RORA: variants seen among roughly 807,000 people sequenced by gnomAD.
RORA encodes the protein nuclear receptor ROR-alpha.
In RORA, 7 loss-of-function variants were observed where a neutral mutation model predicts 69.5. The ratio of observed to expected loss-of-function variants is 0.10; its 90% confidence interval spans 0.06 to 0.19. The LOEUF is 0.19. Ranked by LOEUF, RORA falls within the 10% of genes least tolerant of loss-of-function variation. RORA has a pLI of 1.00. For synonymous variants in RORA, 261 were observed against 240.8 expected (o/e 1.08, Z -0.78); for missense variants, 457 against 663.0 (o/e 0.69, Z 3.41).
intron 1 of RORA, among the ~76,000 whole-genome samples, chr15:60,810,279 ACCT>A (rs2072723208): frequency 1.3e-5 from 2 of 152,174 alleles, no homozygotes; most frequent in African/African-American, 4.8e-5. Flanking sequence ...GACTTTGAAA[ACCT>A]TGCTTCATCA....
At chr15:61,194,305 A>T (rs987702103) in intron 1 of RORA, among the ~76,000 whole-genome samples, 1 of 152,178 alleles carries the variant, frequency 6.6e-6, no homozygotes, top group Non-Finnish European at 1.5e-5. Context: ...CATGCCTGTA[A>T]TCCCAGCACT....
At chr15:60,541,075 G>A (rs2066857162) in intron 2 of RORA, among the ~76,000 whole-genome samples, 1 of 152,100 alleles carries the variant, frequency 6.6e-6, no homozygotes, top group African/African-American at 2.4e-5. Context: ...ATGAGGGAAG[G>A]ATCCGGTTTT....
intron 1 of RORA, among the ~76,000 whole-genome samples, chr15:61,149,084 C>T (rs866387360): frequency 7.2e-5 from 11 of 152,200 alleles, no homozygotes; most frequent in Non-Finnish European, 1.3e-4. Context: ...GTGTGGCTTA[C>T]GTAATCAAAT....
At chr15:60,824,317 G>A (rs1305182357) in intron 1 of RORA, among the ~76,000 whole-genome samples, 4 of 152,144 alleles carry the variant, frequency 2.6e-5, no homozygotes, top group Non-Finnish European at 5.9e-5. Context: ...AATCTATGAA[G>A]TCAAAACAAA....
At chr15:60,600,434 C>T (rs2068785616) in intron 2 of RORA, among the ~76,000 whole-genome samples, 1 of 152,148 alleles carries the variant, frequency 6.6e-6, no homozygotes, top group South Asian at 2.1e-4. Flanking sequence ...GGTTTTGATG[C>T]TCACATTTAA....
At chr15:60,813,163 T>C (rs1286992087) in intron 1 of RORA, among the ~76,000 whole-genome samples, 2 of 152,108 alleles carry the variant, frequency 1.3e-5, no homozygotes, top group Non-Finnish European at 2.9e-5. Context: ...ATCCTGTCCA[T>C]TTACATCCCA....
At chr15:60,597,567 T>C (rs2068704867) in intron 2 of RORA, among the ~76,000 whole-genome samples, 1 of 33,090 alleles carries the variant, frequency 3.0e-5, no homozygotes, top group African/African-American at 1.4e-4. Context: ...TATATATATA[T>C]ATATATACAC....
chr15:60,494,019 C>T lies in RORA; in HGVS notation c.*3436G>A, dbSNP rs545384482. On this transcript the variant is annotated 3_prime_UTR_variant, in exon 11 of 11. Coordinates refer to ENST00000335670, the MANE Select transcript of RORA (RefSeq NM_134261.3). ...CCTCACCTGACCCTCAGCCCACCCC[C>T]ATACGCTCACAGATAACTGGGTATC... 1.3e-5 allele frequency: 2 copies of T among 152,292 alleles called. No individual in the cohort carries two copies. The highest frequency in any genetic ancestry group is 2.1e-4 in the South Asian group (1 of 4,826). The allele number at this position is 152,292 out of a possible 1,614,324, so 9.4% of individuals were successfully genotyped here.
At chr15:61,199,878 C>G (rs1035264689) in intron 1 of RORA, among the ~76,000 whole-genome samples, 2 of 152,140 alleles carry the variant, frequency 1.3e-5, no homozygotes, top group Admixed American at 6.5e-5. Flanking sequence ...CAACACAGAA[C>G]GAGCTGTGCC....
chr15:60,752,685 G>A (rs967583470), intron 1 of RORA, among the ~76,000 whole-genome samples: 2 of 146,600 alleles, frequency 1.4e-5, no homozygotes, highest in Non-Finnish European at 3.0e-5. Flanking sequence ...GGTCAGTAGA[G>A]CACTGCTGGG....
intron 1 of RORA, among the ~76,000 whole-genome samples, chr15:60,942,801 G>A (rs1449851214): frequency 1.3e-5 from 2 of 152,196 alleles, no homozygotes; most frequent in African/African-American, 4.8e-5. Flanking sequence ...TGGAGGTGGG[G>A]AGGACACAGG....
chr15:60,889,727 C>T (rs575701011), intron 1 of RORA, among the ~76,000 whole-genome samples: 1 of 152,262 alleles, frequency 6.6e-6, no homozygotes, highest in African/African-American at 2.4e-5. Flanking sequence ...GGGCAACAGA[C>T]CAAAACCAGA....
chr15:60,776,594 C>T (rs529362438), intron 1 of RORA, among the ~76,000 whole-genome samples: 3 of 152,290 alleles, frequency 2.0e-5, no homozygotes, highest in African/African-American at 4.8e-5. Context: ...CACAGCAGAG[C>T]GTAGATCCTG....
At chr15:60,883,130 CAAAAA>C (rs60074751) in intron 1 of RORA, among the ~76,000 whole-genome samples, 1 of 43,116 alleles carries the variant, frequency 2.3e-5, no homozygotes, top group Admixed American at 3.1e-4. Context: ...GACATCGTCT[CAAAAA>C]AAAAAAAAAA....
intron 1 of RORA, among the ~76,000 whole-genome samples, chr15:60,788,377 G>A (rs1269089011): frequency 6.6e-6 from 1 of 152,150 alleles, no homozygotes; most frequent in Non-Finnish European, 1.5e-5. Flanking sequence ...CCCATTAGAG[G>A]GAACAGTGTG....
At chr15:60,729,863 C>G (rs529865424) in intron 1 of RORA, among the ~76,000 whole-genome samples, 1 of 152,152 alleles carries the variant, frequency 6.6e-6, no homozygotes, top group Admixed American at 6.5e-5. Flanking sequence ...AATATCTTAC[C>G]TCTCTGCTTT....
chr15:60,828,770 G>C (rs2072999515), intron 1 of RORA, among the ~76,000 whole-genome samples: 1 of 152,160 alleles, frequency 6.6e-6, no homozygotes, highest in African/African-American at 2.4e-5. Context: ...TCTTCTTCCT[G>C]ATTCCCATTG....
intron 1 of RORA, among the ~76,000 whole-genome samples, chr15:61,054,712 G>C (rs1172737568): frequency 6.6e-6 from 1 of 152,164 alleles, no homozygotes; most frequent in Non-Finnish European, 1.5e-5. Flanking sequence ...TACGAGACAA[G>C]GCACTGTTTG....
At chr15:60,831,716 G>T (rs957957130) in intron 1 of RORA, among the ~76,000 whole-genome samples, 1 of 152,086 alleles carries the variant, frequency 6.6e-6, no homozygotes, top group East Asian at 1.9e-4. Context: ...CACGACTCTT[G>T]AACTCAAAAC....
Sources: allele counts gnomAD v4.1 joint callset (sites outside exome capture counted in the v4.1 genomes callset), GRCh38; gene constraint gnomAD v4.1.1; transcripts MANE v1.5; gene names NCBI Gene and HGNC (gene_info 2026-07-23, HGNC 2026-07-21).